The following USP32 variants were observed in gnomAD, a reference collection of about 807,000 sequenced individuals.
USP32 encodes ubiquitin carboxyl-terminal hydrolase 32.
A neutral mutation model predicts 204.8 loss-of-function variants in USP32; 59 were observed. That is an observed-to-expected ratio of 0.29 (90% confidence interval 0.23 to 0.36). USP32 has a LOEUF of 0.36. Among genes scored for constraint, USP32 ranks in the 10% least tolerant of loss-of-function variants. USP32 has a pLI of 1.00. For synonymous variants in USP32, 517 were observed against 678.4 expected, an observed-to-expected ratio of 0.76 and a Z score of 3.70; for missense variants, 1,160 against 1,946.4, an observed-to-expected ratio of 0.60 and a Z score of 7.60.
chr17:60,310,661 T>G (rs548824706), intron 2 of USP32, among the ~76,000 whole-genome samples: 1 of 151,964 alleles, frequency 6.6e-6, no homozygotes, highest in East Asian at 1.9e-4. Context: ...ATCGACCCAC[T>G]GCACTCCAGC....
chr17:60,202,377 T>C (rs2084698907), intron 26 of USP32, among the ~76,000 whole-genome samples: 1 of 152,080 alleles, frequency 6.6e-6, no homozygotes, highest in African/African-American at 2.4e-5. Context: ...ATCTTACTCT[T>C]CTTCAAGAGT....
At chr17:60,368,991 ATTT>A (rs758528054) in intron 1 of USP32, among the ~76,000 whole-genome samples, 12 of 114,122 alleles carry the variant, frequency 1.1e-4, no homozygotes, top group Admixed American at 3.4e-4. Flanking sequence ...TTTTTAAAAG[ATTT>A]TTTTTTTTTT....
At chr17:60,220,634 A>G (rs944955251) in intron 15 of USP32, among the ~76,000 whole-genome samples, 1 of 151,980 alleles carries the variant, frequency 6.6e-6, no homozygotes, top group African/African-American at 2.4e-5. Context: ...TAGCAGGGTT[A>G]ACACTGAAAC....
intron 11 of USP32, among the ~76,000 whole-genome samples, chr17:60,247,077 T>C (rs2086046008): frequency 6.6e-6 from 1 of 152,234 alleles, no homozygotes; most frequent in South Asian, 2.1e-4. Context: ...GACTGTGCTT[T>C]TGAGGTATTA....
intron 9 of USP32, among the ~76,000 whole-genome samples, chr17:60,258,829 G>C (rs2086382158): frequency 6.6e-6 from 1 of 152,104 alleles, no homozygotes; most frequent in Admixed American, 6.6e-5. Flanking sequence ...ATAATGCAAA[G>C]TTCCATCTCA....
chr17:60,252,366 A>C lies in USP32; in HGVS notation c.1136+15T>G, dbSNP rs760779381. ...ATGTGAAATTTCAACTATATAATTG[A>C]AACTACAAATTTACCTAATAATTTG... is the stretch of plus-strand genomic sequence containing the variant. On this transcript the variant is annotated intron_variant, in intron 11 of 33. Transcript: ENST00000300896. 6.2e-7 allele frequency: 1 copy of C among 1,602,442 alleles called. No homozygotes were observed. The highest frequency in any genetic ancestry group is 2.2e-5 in the East Asian group (1 of 44,464).
At chr17:60,287,316 C>T (rs1036838536) in intron 5 of USP32, among the ~76,000 whole-genome samples, 1 of 152,192 alleles carries the variant, frequency 6.6e-6, no homozygotes, top group Non-Finnish European at 1.5e-5. Context: ...CTATGACCTA[C>T]TTGTAAGCTC....
At chr17:60,417,958 CTTT>C (rs770082982) in intron 1 of USP32, among the ~76,000 whole-genome samples, 2 of 112,738 alleles carry the variant, frequency 1.8e-5, no homozygotes, top group Admixed American at 9.2e-5. Flanking sequence ...TCCGGCTAAT[CTTT>C]TTTTTTTTTT....
intron 2 of USP32, among the ~76,000 whole-genome samples, chr17:60,311,933 T>G (rs1268554551): frequency 6.6e-6 from 1 of 152,182 alleles, no homozygotes; most frequent in Non-Finnish European, 1.5e-5. Flanking sequence ...CACTGTCTAA[T>G]GGATATAAGG....
At chr17:60,189,544 A>G (rs1245049140) in intron 29 of USP32, among the ~76,000 whole-genome samples, 2 of 152,384 alleles carry the variant, frequency 1.3e-5, no homozygotes, top group Admixed American at 6.5e-5. Flanking sequence ...TGTCTTTACC[A>G]TTCAAATAAT....
intron 2 of USP32, among the ~76,000 whole-genome samples, chr17:60,315,292 C>G (rs952909220): frequency 6.6e-6 from 1 of 152,102 alleles, no homozygotes; most frequent in Non-Finnish European, 1.5e-5. Context: ...CCCAGCTACT[C>G]AGGAGGCTGA....
chr17:60,421,538 G>C, intron 1 of USP32: 1 of 985,478 alleles, frequency 1.0e-6, no homozygotes, highest in Non-Finnish European at 1.2e-6. Context: ...AGGAAGGTCC[G>C]GGAGAAGGAA....
At chr17:60,291,019 T>C (rs992794393) in intron 4 of USP32, among the ~76,000 whole-genome samples, 1 of 152,188 alleles carries the variant, frequency 6.6e-6, no homozygotes, top group African/African-American at 2.4e-5. Context: ...CAAATACTAA[T>C]TTAATCTTCA....
intron 1 of USP32, among the ~76,000 whole-genome samples, chr17:60,381,603 A>C (rs2089648455): frequency 6.6e-6 from 1 of 152,084 alleles, no homozygotes; most frequent in Non-Finnish European, 1.5e-5. Context: ...CTATGGTTTG[A>C]AGTCAGTCGT....
In USP32 at chr17:60,413,056, A is replaced by AG. The variant is rs112473482; in HGVS notation, c.106+9189dup. On this transcript the variant is annotated intron_variant, in intron 1 of 3. Transcript: ENST00000588898. ...TAAAACATTGCTACAGGAAAAAAAA[A>AG]GTGAAATCCAACCAGGGGTCTATTA... is the stretch of plus-strand genomic sequence containing the variant. Among the ~76,000 whole-genome samples, 3 of 152,208 alleles carry AG rather than the reference A, an allele frequency of 2.0e-5. No homozygotes were observed. The East Asian group carries it at 5.8e-4, about 29-fold the overall frequency.
chr17:60,349,599 ATATATATATATATATATATATATAT>A (rs1320375701), intron 1 of USP32, among the ~76,000 whole-genome samples: 1,099 of 42,652 alleles, frequency 0.026, 42 homozygotes, highest in African/African-American at 0.13. Context: ...AAAAAAAAAT[ATATATATATATATATATATATATAT>A]TATATATATA....
Position 60,265,457 on chromosome 17 carries a change from G to A in USP32, c.945C>T (p.Leu315=), listed in dbSNP as rs768445207. ...TDDIPELHMD[L]SDIVEGILNA... is the part of the protein sequence containing the mutation. ...TCAGTATGCCTTCTACAATATCAGAGAGATCCATATGTAATTCCTTTAAAA... is the reference window on the plus strand; with the variant it reads ...TCAGTATGCCTTCTACAATATCAGAAAGATCCATATGTAATTCCTTTAAAA... The change falls in exon 9 of 34, where the codon CTC becomes CTT. Residue 315 remains leucine, a synonymous_variant. Coordinates refer to ENST00000300896, the MANE Select transcript of USP32 (RefSeq NM_032582.4). 6 of 1,603,562 alleles carry A rather than the reference G, an allele frequency of 3.7e-6. No individual in the cohort carries two copies. The highest frequency in any genetic ancestry group is 2.2e-5 in the East Asian group (1 of 44,700).
At chr17:60,378,563 G>A (rs1054256919) in intron 1 of USP32, among the ~76,000 whole-genome samples, 1 of 152,118 alleles carries the variant, frequency 6.6e-6, no homozygotes, top group Non-Finnish European at 1.5e-5. Flanking sequence ...CCCATCAACA[G>A]ATGGATGTAC....
At chr17:60,392,936 C>T (rs2089866057), upstream of USP32, among the ~76,000 whole-genome samples, 4 of 152,236 alleles carry the variant, frequency 2.6e-5, no homozygotes, top group Admixed American at 2.0e-4. Context: ...GGCTACAAGG[C>T]TTAGCGTGGA....
Sources: allele counts gnomAD v4.1 joint callset (sites outside exome capture counted in the v4.1 genomes callset), GRCh38; gene constraint gnomAD v4.1.1; transcripts MANE v1.5; gene names NCBI Gene and HGNC (gene_info 2026-07-23, HGNC 2026-07-21).